GTF2IRD1: variants seen among roughly 807,000 people sequenced by gnomAD.
GTF2IRD1 encodes general transcription factor II-I repeat domain-containing protein 1.
GTF2IRD1 carries 26 observed loss-of-function variants against 113.2 expected under a neutral mutation model. The observed-to-expected ratio is 0.23, with a 90% confidence interval of 0.17 to 0.32. The LOEUF is 0.32. Ranked by LOEUF, GTF2IRD1 falls within the 10% of genes least tolerant of loss-of-function variation. GTF2IRD1 has a pLI of 1.00. For synonymous variants in GTF2IRD1, 484 were observed against 529.1 expected (o/e 0.91, Z 1.17); for missense variants, 864 against 1,280.8 (o/e 0.67, Z 4.97).
At chr7:74,496,336 A>G (rs1554337888) in intron 1 of GTF2IRD1, among the ~76,000 whole-genome samples, 4 of 116,994 alleles carry the variant, frequency 3.4e-5, no homozygotes, top group Non-Finnish European at 1.8e-5. Context: ...GGGGGTGTGC[A>G]TGTATGTGCA....
Position 74,519,622 on chromosome 7 carries a change from A to C in GTF2IRD1, c.819A>C (p.Glu273Asp), listed in dbSNP as rs1554345440. 6.2e-7 allele frequency: 1 copy of C among 1,612,520 alleles called. No homozygotes were observed. Among genetic ancestry groups the C allele is most frequent in the East Asian group, 2.2e-5 (1 of 44,850 alleles). ...ACGCCATCCGAGAGCTCAAGCAGGA[A>C]GCACCTTCCTGCCCCCTTGCCCCCA... is the stretch of plus-strand genomic sequence containing the variant. ...PNHAIRELKQ[E>D]APSCPLAPSD... is the part of the protein sequence containing the mutation. Residue 273 changes from glutamate (E) to aspartate (D), a missense_variant, in exon 6 of 27, where the codon GAA becomes GAC. Transcript: ENST00000424337.
At chr7:74,526,611 A>G (rs1437330318) in intron 8 of GTF2IRD1, among the ~76,000 whole-genome samples, 1 of 152,212 alleles carries the variant, frequency 6.6e-6, no homozygotes, top group Non-Finnish European at 1.5e-5. Flanking sequence ...GTGGCACTGC[A>G]TGAAGGCAGC....
rs587614345 is a variant in GTF2IRD1 at position 74,518,338 on chromosome 7, G to C, written c.605+16G>C. The C allele has an allele frequency of 1.3e-6, 2 of 1,566,256 alleles. No individual in the cohort carries two copies. Among genetic ancestry groups the C allele is most frequent in the South Asian group, 2.3e-5 (2 of 87,040 alleles). On this transcript the variant is annotated intron_variant, in intron 5 of 26. Transcript: ENST00000424337. The stretch of plus-strand genomic sequence containing the variant: ...AGCTCAAGAGGTGAGTGAGGTAGCC[G>C]GCCCGGGGCTGGGCTGGGGCTGGGC...
intron 24 of GTF2IRD1, among the ~76,000 whole-genome samples, chr7:74,591,746 G>A (rs1802076902): frequency 1.3e-5 from 2 of 151,680 alleles, no homozygotes; most frequent in Admixed American, 1.3e-4. Flanking sequence ...TTTGAGACAG[G>A]GTCTCACTCT....
At chr7:74,538,298 G>A (rs113165324) in intron 12 of GTF2IRD1, 125 bp downstream of exon 12, 25,151 of 910,548 alleles carry the variant, frequency 0.028, 546 homozygotes, top group East Asian at 0.066. Flanking sequence ...AGCCTCCTCT[G>A]CCCACCTGCC....
At position 74,555,500 on chromosome 7, in the gene GTF2IRD1, G is replaced by T; in HGVS notation, c.2023+6G>T. On this transcript the variant is annotated splice_donor_region_variant and intron_variant, in intron 19 of 26. Coordinates refer to ENST00000424337, the MANE Select transcript of GTF2IRD1 (RefSeq NM_005685.4). The surrounding 1 kb of genome is among the most constrained non-coding windows in gnomAD (Gnocchi z 5.3). ...GAAGAGACAGGGCTTTCAAGGTAAG[G>T]TTGAGCTCACGGGGAGGTCTGTTGT... is the stretch of plus-strand genomic sequence containing the variant. 6.4e-7 allele frequency: 1 copy of T among 1,574,624 alleles called. No individual in the cohort carries two copies. Among genetic ancestry groups the T allele is most frequent in the Non-Finnish European group, 8.7e-7 (1 of 1,144,072 alleles).
At chr7:74,491,657 C>G (rs1212505746) in intron 1 of GTF2IRD1, among the ~76,000 whole-genome samples, 1 of 152,116 alleles carries the variant, frequency 6.6e-6, no homozygotes, top group African/African-American at 2.4e-5. Flanking sequence ...AGAACATGAT[C>G]TTGTTCTTTT....
In GTF2IRD1 at chr7:74,457,630, C is replaced by T. The variant is rs184252649; in HGVS notation, c.-7+3454C>T. 9.0e-3 allele frequency among the ~76,000 whole-genome samples: 1,366 copies of T among 152,222 alleles called. 30 individuals are homozygous for T. The highest frequency in any genetic ancestry group is 0.031 in the African/African-American group (1,267 of 41,522). On this transcript the variant is annotated intron_variant, in intron 1 of 26. Coordinates refer to ENST00000424337, the MANE Select transcript of GTF2IRD1 (RefSeq NM_005685.4). ...ACCTTAACCCTGGGGGCTTTGCTCC[C>T]CAATGTCATCCTCTCTGTATCTCTC...
chr7:74,492,576 T>G (rs1170771906), intron 1 of GTF2IRD1, among the ~76,000 whole-genome samples: 2 of 152,188 alleles, frequency 1.3e-5, no homozygotes, highest in African/African-American at 4.8e-5. Flanking sequence ...TGATGTTGAT[T>G]GAGTCTTTTT....
intron 22 of GTF2IRD1, among the ~76,000 whole-genome samples, chr7:74,579,552 A>C (rs1801286112): frequency 6.7e-6 from 1 of 149,574 alleles, no homozygotes; most frequent in Non-Finnish European, 1.5e-5. Flanking sequence ...TGGGAGGCGG[A>C]GGTTGCAGTG....
chr7:74,539,026 G>A (rs1338739722), intron 13 of GTF2IRD1, among the ~76,000 whole-genome samples: 1 of 152,200 alleles, frequency 6.6e-6, no homozygotes, highest in Non-Finnish European at 1.5e-5. Flanking sequence ...AGGCTGGACA[G>A]AAGAAAAAGC....
chr7:74,566,235 CT>C (rs1163543490), intron 22 of GTF2IRD1, among the ~76,000 whole-genome samples: 1 of 152,182 alleles, frequency 6.6e-6, no homozygotes, highest in Non-Finnish European at 1.5e-5. Flanking sequence ...GTTCCCATGT[CT>C]TTAAAAAGCT....
intron 11 of GTF2IRD1, 88 bp from the exon 12 acceptor site, chr7:74,538,048 G>C (rs587768108): frequency 7.4e-7 from 1 of 1,347,424 alleles, no homozygotes; most frequent in East Asian, 2.3e-5. Context: ...GGCGCCCGCG[G>C]TGGGCCCTGA....
rs1479433833 is a variant in GTF2IRD1, at chr7:74,592,979, T to A, written c.2591+1962T>A. 4.0e-5 allele frequency among the ~76,000 whole-genome samples: 6 copies of A among 151,882 alleles called. No homozygotes were observed. The East Asian group carries it at 1.2e-3, about 30-fold the overall frequency. On this transcript the variant is annotated intron_variant, in intron 24 of 26. Transcript: ENST00000424337. Reference sequence around the variant, plus strand: ...TTCAAGCAATTCTTGTGCCTCAGCCTCCCAAATAGCTGGGATCACAGGTGC... The same window carrying A: ...TTCAAGCAATTCTTGTGCCTCAGCCACCCAAATAGCTGGGATCACAGGTGC...
intron 1 of GTF2IRD1, among the ~76,000 whole-genome samples, chr7:74,479,503 G>A (rs1025240116): frequency 6.6e-6 from 1 of 152,116 alleles, no homozygotes; most frequent in Non-Finnish European, 1.5e-5. Context: ...TAGGGGAGGT[G>A]GGTGCTGCGG....
intron 1 of GTF2IRD1, among the ~76,000 whole-genome samples, chr7:74,491,318 T>A (rs1305325850): frequency 4.6e-5 from 6 of 130,002 alleles, no homozygotes; most frequent in Non-Finnish European, 1.1e-4. Context: ...ATTCTTTTTT[T>A]TTTTTTTTTT....
intron 7 of GTF2IRD1, among the ~76,000 whole-genome samples, chr7:74,522,798 T>C (rs893692335): frequency 6.6e-6 from 1 of 152,222 alleles, no homozygotes; most frequent in African/African-American, 2.4e-5. Context: ...GGGACTAATA[T>C]CTCTGTTTAA....
chr7:74,560,271 T>G (rs1344275652), intron 22 of GTF2IRD1, among the ~76,000 whole-genome samples: 1 of 151,982 alleles, frequency 6.6e-6, no homozygotes, highest in Non-Finnish European at 1.5e-5. Flanking sequence ...CTGCTCCTCC[T>G]GATAAAGGGG....
At position 74,555,568 on chromosome 7, in the gene GTF2IRD1, G is replaced by A; in HGVS notation, c.2023+74G>A. 1.0e-6 allele frequency: 1 copy of A among 973,600 alleles called. No individual in the cohort carries two copies. Among genetic ancestry groups the A allele is most frequent in the East Asian group, 2.5e-5 (1 of 40,442 alleles). 60.3% of individuals were successfully genotyped at this position (973,600 alleles called of 1,614,324 possible). ...GACCTGGTTTGGGTTTGGAGGGCCA[G>A]GCTGGAAGTGGGGAGGAGCTGGCCC... is the stretch of plus-strand genomic sequence containing the variant. On this transcript the variant is annotated intron_variant, in intron 19 of 26. Transcript: ENST00000424337. The surrounding 1 kb of genome is among the most constrained non-coding windows in gnomAD (Gnocchi z 5.3).
Sources: gnomAD v4.1 joint callset for allele counts (sites outside exome capture counted in the v4.1 genomes callset) on GRCh38, gnomAD v4.1.1 for gene constraint, Gnocchi (gnomAD v3.1) non-coding constraint, MANE v1.5 for transcripts, NCBI Gene and HGNC (gene_info 2026-07-23, HGNC 2026-07-21) for gene names.